The following SENP6 variants were observed in gnomAD, a reference collection of about 807,000 sequenced individuals.
SENP6 encodes sentrin-specific protease 6.
Under a neutral mutation model 134.5 loss-of-function variants are expected in SENP6, and 41 were observed. The observed-to-expected ratio is 0.30, with a 90% CI of 0.24 to 0.40. The LOEUF (loss-of-function observed/expected upper bound fraction) is 0.40, where lower values mean the gene tolerates loss of function less well. SENP6 is among the 10% of genes least tolerant of loss of function. The pLI is 1.00. For synonymous variants in SENP6, 395 were observed against 429.8 expected (o/e 0.92, Z 1.00); for missense variants, 1,248 against 1,312.5 (o/e 0.95, Z 0.76).
intron 1 of SENP6, among the ~76,000 whole-genome samples, chr6:75,616,526 A>T (rs1261244862): frequency 1.3e-5 from 2 of 152,050 alleles, no homozygotes; most frequent in Admixed American, 6.5e-5. Flanking sequence ...AGGCGGGTGG[A>T]TCACAAGGTC....
intron 19 of SENP6, among the ~76,000 whole-genome samples, chr6:75,704,724 A>G (rs1775275367): frequency 6.6e-6 from 1 of 152,142 alleles, no homozygotes; most frequent in Non-Finnish European, 1.5e-5. Context: ...AGACTATCAC[A>G]TGGGGAGAAA....
intron 6 of SENP6, among the ~76,000 whole-genome samples, chr6:75,644,343 G>T (rs569728290): frequency 6.6e-6 from 1 of 152,068 alleles, no homozygotes; most frequent in Non-Finnish European, 1.5e-5. Flanking sequence ...AATACCTGAC[G>T]AGTTCTCTCT....
chr6:75,715,668 C>A lies in SENP6; in HGVS notation c.*74C>A. The A allele has an allele frequency of 1.9e-6, 2 of 1,069,306 alleles. No individual in the cohort carries two copies. Among genetic ancestry groups the A allele is most frequent in the Non-Finnish European group, 2.8e-6 (2 of 724,560 alleles). 66.2% of individuals were successfully genotyped at this position (1,069,306 alleles called of 1,614,324 possible). On this transcript the variant is annotated 3_prime_UTR_variant, in exon 24 of 24. Coordinates refer to ENST00000447266, the MANE Select transcript of SENP6 (RefSeq NM_015571.4). ...AAATTTGGGTATAGACAATAAAGAACTGAAGTGCTCACTACTCAGTGATTT... is the reference window on the plus strand; with the variant it reads ...AAATTTGGGTATAGACAATAAAGAAATGAAGTGCTCACTACTCAGTGATTT...
intron 10 of SENP6, among the ~76,000 whole-genome samples, chr6:75,667,415 A>C (rs1219592863): frequency 6.6e-6 from 1 of 152,202 alleles, no homozygotes; most frequent in Non-Finnish European, 1.5e-5. Flanking sequence ...TAATAGACTG[A>C]GAACTCTTAA....
intron 18 of SENP6, among the ~76,000 whole-genome samples, chr6:75,701,744 A>G (rs572653567): frequency 1.0e-4 from 15 of 149,440 alleles, no homozygotes; most frequent in Non-Finnish European, 1.9e-4. Flanking sequence ...GGTTCAAGCA[A>G]TTCTCCTGCC....
chr6:75,613,401 A>G (rs1767609620), intron 1 of SENP6, among the ~76,000 whole-genome samples: 1 of 152,174 alleles, frequency 6.6e-6, no homozygotes, highest in South Asian at 2.1e-4. Context: ...ACACAGTGTA[A>G]GATATTTACC....
intron 3 of SENP6, among the ~76,000 whole-genome samples, chr6:75,631,319 T>TAA (rs1200990413): frequency 6.6e-6 from 1 of 152,206 alleles, no homozygotes; most frequent in Non-Finnish European, 1.5e-5. Context: ...TTCACATATT[T>TAA]AGTATTCTCA....
intron 1 of SENP6, among the ~76,000 whole-genome samples, chr6:75,616,731 G>C (rs1193548355): frequency 7.4e-6 from 1 of 135,408 alleles, no homozygotes; most frequent in Non-Finnish European, 1.5e-5. Flanking sequence ...GGGCGACAGA[G>C]CAAGACTCCA....
At chr6:75,606,689 A>AC (rs1767054066) in intron 1 of SENP6, among the ~76,000 whole-genome samples, 2 of 152,036 alleles carry the variant, frequency 1.3e-5, no homozygotes, top group African/African-American at 4.8e-5. Flanking sequence ...AAGCAACATG[A>AC]CCCCCCTAAG....
intron 21 of SENP6, among the ~76,000 whole-genome samples, chr6:75,711,904 C>T (rs1448230088): frequency 1.3e-5 from 2 of 152,218 alleles, no homozygotes; most frequent in Admixed American, 1.3e-4. Flanking sequence ...AACTCCTGGC[C>T]TCAAGTGATC....
chr6:75,639,753 A>G (rs546678633), intron 5 of SENP6, among the ~76,000 whole-genome samples: 1 of 152,176 alleles, frequency 6.6e-6, no homozygotes, highest in Non-Finnish European at 1.5e-5. Context: ...ATTTTAAATT[A>G]TAGGCTTTTC....
chr6:75,686,281 G>A (rs965597306), intron 16 of SENP6, among the ~76,000 whole-genome samples: 1 of 152,062 alleles, frequency 6.6e-6, no homozygotes, highest in African/African-American at 2.4e-5. Context: ...TTTTGAGCCT[G>A]TGTGTCTCTC....
chr6:75,625,881 A>G (rs776229477), intron 3 of SENP6, among the ~76,000 whole-genome samples: 1 of 152,212 alleles, frequency 6.6e-6, no homozygotes, highest in Non-Finnish European at 1.5e-5. Flanking sequence ...AACAAAAAAC[A>G]AAACAAAAAA....
chr6:75,623,140 A>G (rs1421987162), intron 2 of SENP6, among the ~76,000 whole-genome samples: 1 of 152,170 alleles, frequency 6.6e-6, no homozygotes, highest in Non-Finnish European at 1.5e-5. Flanking sequence ...GGACTTTACA[A>G]TAAATAGCTG....
At chr6:75,667,706 G>C (rs1345549540) in intron 10 of SENP6, among the ~76,000 whole-genome samples, 1 of 152,098 alleles carries the variant, frequency 6.6e-6, no homozygotes, top group Non-Finnish European at 1.5e-5. Flanking sequence ...TGTACTATTT[G>C]ACCAAATAAT....
At chr6:75,699,662 A>AT (rs985440867) in intron 18 of SENP6, among the ~76,000 whole-genome samples, 9 of 148,610 alleles carry the variant, frequency 6.1e-5, no homozygotes, top group Admixed American at 2.0e-4. Flanking sequence ...TAATTTTTGT[A>AT]TTTTTTTTTA....
At chr6:75,639,416 T>C (rs1769858263) in intron 5 of SENP6, among the ~76,000 whole-genome samples, 1 of 152,138 alleles carries the variant, frequency 6.6e-6, no homozygotes, top group South Asian at 2.1e-4. Flanking sequence ...AATGTGTTCA[T>C]GTAAAAACAA....
rs1463314419 is a variant in SENP6 at position 75,677,407 on chromosome 6, T to C, written c.1848+151T>C. On this transcript the variant is annotated intron_variant, in intron 14 of 23. Transcript: ENST00000447266. ...TTTTATGTGTGATTTGTAAACTACC[T>C]TGTGTCAAAACAGTGGTGGGTAGGT... 6.2e-6 allele frequency: 4 copies of C among 648,002 alleles called. No homozygotes were observed. The African/African-American group carries it at 7.4e-5, about 12-fold the overall frequency. The allele number at this position is 648,002 out of a possible 1,614,324, so 40.1% of individuals were successfully genotyped here.
intron 9 of SENP6, among the ~76,000 whole-genome samples, chr6:75,666,065 GTA>G (rs1772182119): frequency 7.8e-6 from 1 of 129,010 alleles, no homozygotes; most frequent in South Asian, 2.4e-4. Context: ...TATATAAAAC[GTA>G]TATATGATAT....
Sources: allele counts gnomAD v4.1 joint callset (sites outside exome capture counted in the v4.1 genomes callset), GRCh38; gene constraint gnomAD v4.1.1; transcripts MANE v1.5; gene names NCBI Gene and HGNC (gene_info 2026-07-23, HGNC 2026-07-21).